GRM7: variants seen among roughly 807,000 people sequenced by gnomAD.
GRM7 encodes glutamate metabotropic receptor 7.
Under a neutral mutation model 84.5 loss-of-function variants are expected in GRM7, and 35 were observed. That is an observed-to-expected ratio of 0.41 (90% CI 0.32 to 0.55). GRM7 has a LOEUF of 0.55. Among genes scored for constraint, GRM7 ranks in the 20% least tolerant of loss-of-function variants. The pLI is 0.19. For synonymous variants in GRM7, 487 were observed against 455.1 expected (o/e 1.07, Z -0.89); for missense variants, 1,003 against 1,194.6 (o/e 0.84, Z 2.36).
At chr3:7,195,143 A>G (rs1395802638) in intron 2 of GRM7, among the ~76,000 whole-genome samples, 1 of 152,040 alleles carries the variant, frequency 6.6e-6, no homozygotes, top group East Asian at 1.9e-4. Context: ...TGATGATAAA[A>G]CCCCAATATT....
At chr3:7,509,276 T>G (rs779728) in intron 7 of GRM7, among the ~76,000 whole-genome samples, 3,594 of 152,284 alleles carry the variant, frequency 0.024, 72 homozygotes, top group Non-Finnish European at 0.037. Flanking sequence ...TATTTTGTCA[T>G]AATTGTTCTA....
At chr3:7,271,652 T>C (rs1387544370) in intron 2 of GRM7, among the ~76,000 whole-genome samples, 1 of 151,154 alleles carries the variant, frequency 6.6e-6, no homozygotes, top group African/African-American at 2.4e-5. Context: ...ACAAGGTCCC[T>C]AGCTGATTCC....
chr3:7,544,766 T>A (rs774394406), intron 7 of GRM7, among the ~76,000 whole-genome samples: 4 of 152,218 alleles, frequency 2.6e-5, no homozygotes, highest in Non-Finnish European at 5.9e-5. Flanking sequence ...CCTTAAGTAT[T>A]TTTGACACTT....
intron 4 of GRM7, among the ~76,000 whole-genome samples, chr3:7,354,297 C>T (rs981424500): frequency 6.6e-6 from 1 of 152,094 alleles, no homozygotes; most frequent in Non-Finnish European, 1.5e-5. Flanking sequence ...GTATGGCCCT[C>T]TAATTAGTGT....
intron 1 of GRM7, among the ~76,000 whole-genome samples, chr3:7,092,431 A>G (rs910746850): frequency 5.9e-5 from 9 of 152,174 alleles, no homozygotes; most frequent in African/African-American, 1.7e-4. Context: ...GGCAATTGAC[A>G]ATCATTTTGT....
chr3:7,332,901 G>C lies in GRM7; in HGVS notation c.1033+26249G>C, dbSNP rs114308772. 5.0e-3 allele frequency among the ~76,000 whole-genome samples: 762 copies of C among 152,186 alleles called. 6 individuals are homozygous for C. Among genetic ancestry groups the C allele is most frequent in the African/African-American group, 0.017 (721 of 41,534 alleles). On this transcript the variant is annotated intron_variant, in intron 4 of 9. Transcript: ENST00000357716. ...CCAGCCCTGGTAGCTAAAGGCAACA[G>C]ACATAAACTTTTGGGAGCTCTATGG...
chr3:7,264,331 C>T (rs1698553246), intron 2 of GRM7, among the ~76,000 whole-genome samples: 2 of 152,112 alleles, frequency 1.3e-5, no homozygotes, highest in South Asian at 4.1e-4. Flanking sequence ...ACTCCTGCGC[C>T]AAATCCTCTG....
At chr3:7,470,662 C>T (rs956490749) in intron 7 of GRM7, among the ~76,000 whole-genome samples, 2 of 152,124 alleles carry the variant, frequency 1.3e-5, no homozygotes, top group African/African-American at 2.4e-5. Context: ...TCCAGATTCT[C>T]TGTGGAAATT....
chr3:7,435,679 GTTTTTTT>G lies in GRM7; in HGVS notation c.1175-16908_1175-16902del, dbSNP rs71066011. On this transcript the variant is annotated intron_variant, in intron 5 of 9. Coordinates refer to ENST00000357716, the MANE Select transcript of GRM7 (RefSeq NM_000844.4). ...AGGCCCTTGCCACCACATCCGGCTAGTTTTTTTTTTTTTTTTTTTTTTTTTTGAGACA... is the reference window on the plus strand; with the variant it reads ...AGGCCCTTGCCACCACATCCGGCTAGTTTTTTTTTTTTTTTTTTTGAGACA... 4.2e-3 allele frequency among the ~76,000 whole-genome samples: 371 copies of G among 88,542 alleles called. 6 individuals carry two copies. Among genetic ancestry groups the G allele is most frequent in the Middle Eastern group, 0.032 (4 of 126 alleles). 58.1% of individuals were successfully genotyped at this position (88,542 alleles called of 152,430 possible). A position where few individuals can be genotyped will look rare whatever the true frequency, so the allele number is the denominator to read the frequency against.
intron 8 of GRM7, among the ~76,000 whole-genome samples, chr3:7,632,890 A>G (rs1460041753): frequency 2.0e-5 from 3 of 152,258 alleles, no homozygotes; most frequent in Non-Finnish European, 4.4e-5. Flanking sequence ...AAAGCAAAGA[A>G]TCCCTTCAAT....
At chr3:7,280,794 G>A (rs1255905195) in intron 2 of GRM7, among the ~76,000 whole-genome samples, 1 of 152,124 alleles carries the variant, frequency 6.6e-6, no homozygotes, top group Admixed American at 6.5e-5. Context: ...TCCTCAAAGT[G>A]CTTACAATTG....
intron 7 of GRM7, among the ~76,000 whole-genome samples, chr3:7,507,089 T>TA (rs1700062430): frequency 2.6e-5 from 4 of 152,206 alleles, no homozygotes; most frequent in African/African-American, 2.4e-5. Flanking sequence ...TGTGGGCATT[T>TA]AAAAAACATT....
intron 1 of GRM7, among the ~76,000 whole-genome samples, chr3:6,998,464 C>G (rs1694902900): frequency 6.6e-6 from 1 of 152,102 alleles, no homozygotes; most frequent in African/African-American, 2.4e-5. Context: ...AGTGGATCTA[C>G]CATTCTGAGG....
In GRM7 at chr3:6,863,152, TC is replaced by T. The variant is rs1694821504; in HGVS notation, c.519+1247del. Among the ~76,000 whole-genome samples the T allele has an allele frequency of 6.6e-6, 1 of 151,856 alleles. No homozygotes were observed. Among genetic ancestry groups the T allele is most frequent in the Admixed American group, 6.5e-5 (1 of 15,272 alleles). On this transcript the variant is annotated intron_variant, in intron 1 of 9. Coordinates refer to ENST00000357716, the MANE Select transcript of GRM7 (RefSeq NM_000844.4). The surrounding 1 kb of genome is among the most constrained non-coding windows in gnomAD (Gnocchi z 4.8). ...TTTTTTTTTCTCTCTGTTTTTTCTC[TC>T]CTTTTCAATCTCTCCCTCCTTTCCT...
intron 7 of GRM7, among the ~76,000 whole-genome samples, chr3:7,536,800 C>T (rs1701261232): frequency 6.6e-6 from 1 of 152,124 alleles, no homozygotes; most frequent in South Asian, 2.1e-4. Context: ...TGTGACCAGC[C>T]CTTCAAGGTG....
intron 4 of GRM7, among the ~76,000 whole-genome samples, chr3:7,398,235 A>G (rs901993528): frequency 5.3e-5 from 8 of 152,210 alleles, no homozygotes; most frequent in Non-Finnish European, 1.5e-5. Context: ...ATCAGTATTC[A>G]CTGACGGCCT....
chr3:7,630,272 C>A (rs756017554), intron 8 of GRM7, among the ~76,000 whole-genome samples: 1 of 151,960 alleles, frequency 6.6e-6, no homozygotes, highest in Non-Finnish European at 1.5e-5. Context: ...GAATTTCTGC[C>A]CATTCTATTA....
chr3:7,267,002 C>T (rs1195111956), intron 2 of GRM7, among the ~76,000 whole-genome samples: 1 of 152,196 alleles, frequency 6.6e-6, no homozygotes, highest in Non-Finnish European at 1.5e-5. Context: ...TGGCAGTTTT[C>T]CTTACAAAGT....
chr3:7,444,607 T>A (rs1249765346), intron 5 of GRM7, among the ~76,000 whole-genome samples: 1 of 152,172 alleles, frequency 6.6e-6, no homozygotes, highest in Non-Finnish European at 1.5e-5. Flanking sequence ...AGGACACCTT[T>A]CACATGTTTG....
Sources: allele counts gnomAD v4.1 joint callset (sites outside exome capture counted in the v4.1 genomes callset), GRCh38; gene constraint gnomAD v4.1.1; non-coding constraint Gnocchi (gnomAD v3.1); transcripts MANE v1.5; gene names NCBI Gene and HGNC (gene_info 2026-07-23, HGNC 2026-07-21).